Variants in MTFR1 observed in about 807,000 individuals in gnomAD.
MTFR1 encodes mitochondrial fission regulator 1, also known as chondrocyte protein with a poly-proline region.
Under a neutral mutation model 38.8 loss-of-function variants are expected in MTFR1, and 28 were observed. The observed-to-expected ratio is 0.72, with a 90% CI of 0.53 to 0.99. The LOEUF is 0.99. Ranked by LOEUF, MTFR1 falls within the 50% of genes least tolerant of loss-of-function variation. The probability of loss-of-function intolerance (pLI) is 0.00; values close to 1 mark genes in which losing one functional copy is unlikely to be tolerated. For missense variants in MTFR1, 358 were observed against 395.5 expected (o/e 0.91, Z 0.81); for synonymous variants, 145 against 137.0 (o/e 1.06, Z -0.41).
intron 3 of MTFR1, among the ~76,000 whole-genome samples, chr8:65,720,838 A>G (rs150588739): frequency 6.6e-6 from 1 of 152,332 alleles, no homozygotes; most frequent in Non-Finnish European, 1.5e-5. Context: ...CTACAGTGTT[A>G]TGTTGAGCCA....
intron 3 of MTFR1, among the ~76,000 whole-genome samples, chr8:65,750,141 A>G (rs1283979800): frequency 1.3e-5 from 2 of 152,220 alleles, no homozygotes; most frequent in Admixed American, 6.5e-5. Flanking sequence ...TATCCCATTT[A>G]GTAATCATTA....
chr8:65,734,155 C>A (rs1217790204), intron 3 of MTFR1, among the ~76,000 whole-genome samples: 4 of 152,126 alleles, frequency 2.6e-5, no homozygotes, highest in African/African-American at 9.7e-5. Flanking sequence ...CAAGCCTTAC[C>A]CCCAAAACTT....
chr8:65,763,340 T>TG (rs1808605262), intron 3 of MTFR1, among the ~76,000 whole-genome samples: 1 of 151,500 alleles, frequency 6.6e-6, no homozygotes, highest in Non-Finnish European at 1.5e-5. Flanking sequence ...CTGAGGCGGG[T>TG]GGATCACCTG....
chr8:65,675,788 A>G (rs1563442902), intron 2 of MTFR1, among the ~76,000 whole-genome samples: 1 of 152,202 alleles, frequency 6.6e-6, no homozygotes, highest in Non-Finnish European at 1.5e-5. Flanking sequence ...CCTATATGCT[A>G]TAATGGCCTG....
At chr8:65,708,155 G>A in intron 7 of MTFR1, 144 bp downstream of exon 7, 2 of 1,526,542 alleles carry the variant, frequency 1.3e-6, no homozygotes, top group Middle Eastern at 1.7e-4. Flanking sequence ...CTTACAAGTA[G>A]ATCACGGCTG....
At position 65,729,364 on chromosome 8, in the gene MTFR1, C is replaced by CTTTTTTTTTTT. The variant is rs10540107; in HGVS notation, c.*48+9896_*48+9906dup. ...TCACAGTGAGTTTCGTTGGTGGTAG[C>CTTTTTTTTTTT]TTTTTTTTTTTTTTTTTTTTTTTGG... is the stretch of plus-strand genomic sequence containing the variant. On this transcript the variant is annotated intron_variant, in intron 3 of 3. Transcript: ENST00000521247. 3.7e-5 allele frequency among the ~76,000 whole-genome samples: 3 copies of CTTTTTTTTTTT among 80,076 alleles called. 1 individual carries two copies. Among genetic ancestry groups the CTTTTTTTTTTT allele is most frequent in the Non-Finnish European group, 6.9e-5 (3 of 43,682 alleles). 52.5% of individuals were successfully genotyped at this position (80,076 alleles called of 152,430 possible).
chr8:65,660,353 A>G (rs887368858), intron 1 of MTFR1, among the ~76,000 whole-genome samples: 4 of 151,894 alleles, frequency 2.6e-5, no homozygotes, highest in African/African-American at 9.7e-5. Flanking sequence ...TTATATATCA[A>G]CTGGACTGGT....
At chr8:65,767,826 G>C (rs1808869448) in intron 3 of MTFR1, among the ~76,000 whole-genome samples, 1 of 152,092 alleles carries the variant, frequency 6.6e-6, no homozygotes, top group African/African-American at 2.4e-5. Context: ...TAATAAACTG[G>C]TAAATATAAG....
intron 3 of MTFR1, among the ~76,000 whole-genome samples, chr8:65,741,592 C>T (rs1807440180): frequency 6.6e-6 from 1 of 152,218 alleles, no homozygotes; most frequent in Admixed American, 6.5e-5. Context: ...CATTTCAAAT[C>T]TTACATTTTA....
At chr8:65,658,436 G>A (rs1444263065) in intron 1 of MTFR1, among the ~76,000 whole-genome samples, 1 of 152,104 alleles carries the variant, frequency 6.6e-6, no homozygotes, top group Non-Finnish European at 1.5e-5. Flanking sequence ...CACAGTGTTG[G>A]TAGAAGAAAA....
At chr8:65,722,843 T>G (rs550261501) in intron 3 of MTFR1, 2 of 152,244 alleles carry the variant, frequency 1.3e-5, no homozygotes, top group Non-Finnish European at 2.9e-5. Flanking sequence ...TGACTGACTC[T>G]GCCTAAAGCA....
intron 3 of MTFR1, chr8:65,727,978 T>G (rs1806679502): frequency 6.6e-6 from 1 of 152,208 alleles, no homozygotes; most frequent in African/African-American, 2.4e-5. Flanking sequence ...AAATAAAAGT[T>G]TATGATTAGC....
chr8:65,711,558 T>C (rs1036623754), downstream of MTFR1, among the ~76,000 whole-genome samples: 5 of 152,210 alleles, frequency 3.3e-5, no homozygotes, highest in African/African-American at 9.6e-5. Context: ...TTCTGTGTCC[T>C]CTTTCCCTTT....
intron 1 of MTFR1, among the ~76,000 whole-genome samples, chr8:65,662,825 C>T (rs990291014): frequency 3.3e-5 from 5 of 151,038 alleles, no homozygotes; most frequent in African/African-American, 7.3e-5. Flanking sequence ...GTCAGCCCCC[C>T]GCCCGGCCAT....
chr8:65,669,895 G>T lies in MTFR1; in HGVS notation c.-58G>T. 7.5e-7 allele frequency: 1 copy of T among 1,330,432 alleles called. No homozygotes were observed. The highest frequency in any genetic ancestry group is 1.1e-6 in the Non-Finnish European group (1 of 936,974). 82.4% of individuals were successfully genotyped at this position (1,330,432 alleles called of 1,614,324 possible). Reference sequence around the variant, plus strand: ...CAGTGTGTTTTATGGACCATGTGCTGCTATGTATGCCTGAAGAAGTACTTG... The same window carrying T: ...CAGTGTGTTTTATGGACCATGTGCTTCTATGTATGCCTGAAGAAGTACTTG... On this transcript the variant is annotated 5_prime_UTR_variant, in exon 2 of 8. Transcript: ENST00000262146.
intron 3 of MTFR1, among the ~76,000 whole-genome samples, chr8:65,686,697 C>T (rs933418585): frequency 1.4e-5 from 2 of 147,634 alleles, no homozygotes; most frequent in Admixed American, 1.4e-4. Context: ...CTGAGGCGGG[C>T]GGATCACCTG....
At chr8:65,647,215 G>A (rs1234512533) in intron 1 of MTFR1, among the ~76,000 whole-genome samples, 1 of 152,190 alleles carries the variant, frequency 6.6e-6, no homozygotes, top group Non-Finnish European at 1.5e-5. Flanking sequence ...ATAGACGTGG[G>A]GAACTGGCAA....
At chr8:65,734,549 C>T (rs1239520247) in intron 3 of MTFR1, among the ~76,000 whole-genome samples, 1 of 152,148 alleles carries the variant, frequency 6.6e-6, no homozygotes, top group Non-Finnish European at 1.5e-5. Flanking sequence ...TGCCAGCAGT[C>T]GAGGTTTCAA....
chr8:65,667,456 A>C (rs866263211), intron 1 of MTFR1, among the ~76,000 whole-genome samples: 18 of 151,174 alleles, frequency 1.2e-4, no homozygotes, highest in Admixed American at 3.3e-4. Flanking sequence ...AGATGTAGTT[A>C]TGCTCTTGTC....
Sources: gnomAD v4.1 joint callset for allele counts (sites outside exome capture counted in the v4.1 genomes callset) on GRCh38, gnomAD v4.1.1 for gene constraint, MANE v1.5 for transcripts, NCBI Gene and HGNC (gene_info 2026-07-23, HGNC 2026-07-21) for gene names.